TSBP1: variants seen among roughly 807,000 people sequenced by gnomAD.
TSBP1 encodes testis expressed basic protein 1, also known as testis-expressed basic protein 1.
In TSBP1, 56 loss-of-function variants were observed where a neutral mutation model predicts 68.8. The ratio of observed to expected loss-of-function variants is 0.81; its 90% CI spans 0.66 to 1.02. The LOEUF (loss-of-function observed/expected upper bound fraction) is 1.02, where lower values mean the gene tolerates loss of function less well. Among genes scored for constraint, TSBP1 ranks in the 50% least tolerant of loss-of-function variants. The probability of loss-of-function intolerance (pLI) is 0.00; values close to 1 mark genes in which losing one functional copy is unlikely to be tolerated. For missense variants in TSBP1, 502 were observed against 641.2 expected (o/e 0.78, Z 2.34); for synonymous variants, 171 against 208.7 (o/e 0.82, Z 1.56).
At position 32,294,067 on chromosome 6, in the gene TSBP1, T is replaced by C. The variant is rs761119552; in HGVS notation, c.638-32A>G. On this transcript the variant is annotated intron_variant, in intron 22 of 22. Coordinates refer to ENST00000612031, the Ensembl canonical transcript of TSBP1. ...ATACAACAAAAGGGCGTGATTTAGA[T>C]ATCAAGTATTTTCTCTTTATTTCTA... 7 of 1,596,084 alleles carry C rather than the reference T, an allele frequency of 4.4e-6. No individual in the cohort carries two copies. In the African/African-American group the frequency reaches 5.4e-5, roughly 12 times the overall value.
At chr6:32,310,306 G>A (rs188786019) in intron 19 of TSBP1, among the ~76,000 whole-genome samples, 33 of 152,070 alleles carry the variant, frequency 2.2e-4, no homozygotes, top group African/African-American at 7.0e-4. Flanking sequence ...TCTAATTTCA[G>A]CTTTCAGTGG....
At position 32,302,408 on chromosome 6, in the gene TSBP1, C is replaced by T. The variant is rs1186579790; in HGVS notation, c.601+201G>A. Among the ~76,000 whole-genome samples, 3 of 152,062 alleles carry T rather than the reference C, an allele frequency of 2.0e-5. No individual in the cohort carries two copies. The highest frequency in any genetic ancestry group is 4.4e-5 in the Non-Finnish European group (3 of 68,010). The stretch of plus-strand genomic sequence containing the variant: ...AGTGGAGGTTGTAGTGAACTATGAT[C>T]ACACCACTGCACTCCAGGCTAGGTG... On this transcript the variant is annotated intron_variant, in intron 20 of 22. Coordinates refer to ENST00000612031, the Ensembl canonical transcript of TSBP1. This position sits in a 1 kb window ranked among gnomAD's most constrained non-coding sequence, Gnocchi z 5.1.
chr6:32,323,457 G>A (rs1767860069), intron 17 of TSBP1, 134 bp downstream of exon 18: 2 of 812,000 alleles, frequency 2.5e-6, no homozygotes, highest in Non-Finnish European at 4.3e-6. Flanking sequence ...GCAGAAGGCA[G>A]AGGAAACTGG....
At position 32,365,266 on chromosome 6, in the gene TSBP1, T is replaced by C. The variant is rs1773559052; in HGVS notation, c.217+901A>G. ...CCAGGTTCTGAGAGCCTTCCCTTTG[T>C]TTTCCCTAGGGTGGTGCTCTGGAAT... is the stretch of plus-strand genomic sequence containing the variant. On this transcript the variant is annotated intron_variant, in intron 6 of 22. Coordinates refer to ENST00000612031, the Ensembl canonical transcript of TSBP1. The surrounding 1 kb of genome is among the most constrained non-coding windows in gnomAD (Gnocchi z 4.3). 3 of 454,252 alleles carry C rather than the reference T, an allele frequency of 6.6e-6. No individual in the cohort carries two copies. The highest frequency in any genetic ancestry group is 1.3e-5 in the Non-Finnish European group (3 of 225,950). The allele number at this position is 454,252 out of a possible 1,614,324, so 28.1% of individuals were successfully genotyped here. A position where few individuals can be genotyped will look rare whatever the true frequency, so the allele number is the denominator to read the frequency against.
At chr6:32,326,164 G>C (rs9268245) in intron 16 of TSBP1, 216,416 of 1,425,754 alleles carry the variant, frequency 0.15, 18,991 homozygotes, top group Non-Finnish European at 0.17. Flanking sequence ...CTATGGCAGT[G>C]GCAGAAGATT....
chr6:32,324,415 T>C (rs1767979319), intron 16 of TSBP1: 1 of 687,340 alleles, frequency 1.5e-6, no homozygotes, highest in Non-Finnish European at 2.6e-6. Flanking sequence ...CTGCTCTGAC[T>C]TATCTCTTCC....
At chr6:32,295,111 G>A (rs1351901634) in intron 22 of TSBP1, among the ~76,000 whole-genome samples, 2 of 152,008 alleles carry the variant, frequency 1.3e-5, no homozygotes, top group Non-Finnish European at 2.9e-5. Flanking sequence ...CAAAGTGGGC[G>A]GATCACTTGA....
intron 15 of TSBP1, 75 bp from the exon 17 acceptor site, chr6:32,330,684 T>A: frequency 6.9e-7 from 1 of 1,447,452 alleles, no homozygotes; most frequent in Middle Eastern, 2.5e-4. Flanking sequence ...ACTTCTATTT[T>A]TTGAGACAGA....
At position 32,304,007 on chromosome 6, in the gene TSBP1, AT is replaced by A. The variant is rs1765547298; in HGVS notation, c.581-1379del. Among the ~76,000 whole-genome samples, 1 of 152,052 alleles carries A rather than the reference AT, an allele frequency of 6.6e-6. No homozygotes were observed. Among genetic ancestry groups the A allele is most frequent in the South Asian group, 2.1e-4 (1 of 4,826 alleles). On this transcript the variant is annotated intron_variant, in intron 19 of 22. Coordinates refer to ENST00000612031, the Ensembl canonical transcript of TSBP1. The surrounding 1 kb of genome is among the most constrained non-coding windows in gnomAD (Gnocchi z 4.8). Reference sequence around the variant, plus strand: ...ATTATTTCCATAGTCTTCCCAGCATATTTTCCCAGCATTATTTCCTCTGGCT... The same window carrying A: ...ATTATTTCCATAGTCTTCCCAGCATATTTCCCAGCATTATTTCCTCTGGCT...
intron 14 of TSBP1, 22 bp from the exon 16 acceptor site, chr6:32,332,076 C>T (rs750212699): frequency 7.0e-6 from 11 of 1,569,738 alleles, no homozygotes; most frequent in Non-Finnish European, 9.6e-6. Context: ...TTCAAATTGG[C>T]ATATTAGTAC....
At chr6:32,300,303 C>T (rs7750783) in intron 21 of TSBP1, among the ~76,000 whole-genome samples, 30,867 of 151,802 alleles carry the variant, frequency 0.2, 3,300 homozygotes, top group Non-Finnish European at 0.22. Context: ...TATTGTTGAT[C>T]AATTACCAAA....
intron 7 of TSBP1, 139 bp from the exon 8 acceptor site, chr6:32,355,283 G>A: frequency 1.2e-6 from 1 of 823,674 alleles, no homozygotes; most frequent in East Asian, 2.6e-5. Context: ...ATCTGGTGAT[G>A]GGTACTGACA....
intron 16 of TSBP1, among the ~76,000 whole-genome samples, chr6:32,327,964 ATTT>A (rs771332320): frequency 1.5e-5 from 2 of 136,110 alleles, no homozygotes; most frequent in African/African-American, 5.2e-5. Flanking sequence ...ACTTATTATT[ATTT>A]TTTTTTTTTT....
intron 9 of TSBP1, among the ~76,000 whole-genome samples, chr6:32,342,738 A>G (rs1770520719): frequency 6.6e-6 from 1 of 152,234 alleles, no homozygotes; most frequent in South Asian, 2.1e-4. Flanking sequence ...GAAATAGTGT[A>G]TAGTTCAGAT....
chr6:32,323,123 G>C (rs1465921582), exon 18 of TSBP1: 1 of 1,581,302 alleles, frequency 6.3e-7, no homozygotes, highest in Non-Finnish European at 8.7e-7. Flanking sequence ...TTACTTATGG[G>C]TGCCATGGGT....
At chr6:32,344,597 C>T (rs1770762815) in intron 9 of TSBP1, among the ~76,000 whole-genome samples, 1 of 152,020 alleles carries the variant, frequency 6.6e-6, no homozygotes, top group East Asian at 1.9e-4. Flanking sequence ...AAAGCATCAG[C>T]GTTAATCCCC....
intron 2 of TSBP1, 94 bp downstream of exon 2, chr6:32,369,803 T>G: frequency 2.4e-6 from 2 of 828,152 alleles, no homozygotes; most frequent in Non-Finnish European, 4.3e-6. Flanking sequence ...AGTCTCTAGC[T>G]GTTTGATGAG....
At chr6:32,296,254 A>G (rs1764713604) in intron 22 of TSBP1, among the ~76,000 whole-genome samples, 1 of 149,256 alleles carries the variant, frequency 6.7e-6, no homozygotes, top group East Asian at 1.9e-4. Context: ...AATTTTATCA[A>G]TTATAAAAAT....
rs1008576616 is a variant in TSBP1, at chr6:32,306,203, G to C, written c.581-3574C>G. Reference sequence around the variant, plus strand: ...AATCATGGAATTTTTGAAACTAACTGTACGACTAAGGGGGAATTATGTAAA... The same window carrying C: ...AATCATGGAATTTTTGAAACTAACTCTACGACTAAGGGGGAATTATGTAAA... On this transcript the variant is annotated intron_variant, in intron 19 of 22. Transcript: ENST00000612031. This position sits in a 1 kb window ranked among gnomAD's most constrained non-coding sequence, Gnocchi z 5.1. Among the ~76,000 whole-genome samples the C allele has an allele frequency of 6.6e-6, 1 of 152,194 alleles. No homozygotes were observed. Among genetic ancestry groups the C allele is most frequent in the Non-Finnish European group, 1.5e-5 (1 of 68,024 alleles).
Sources: allele counts gnomAD v4.1 joint callset (sites outside exome capture counted in the v4.1 genomes callset), GRCh38; gene constraint gnomAD v4.1.1; non-coding constraint Gnocchi (gnomAD v3.1); transcripts MANE v1.5; gene names NCBI Gene and HGNC (gene_info 2026-07-23, HGNC 2026-07-21).